The following CCDC3 variants were observed in gnomAD, a reference collection of about 807,000 sequenced individuals.
CCDC3 encodes the protein coiled-coil domain containing 3.
A neutral mutation model predicts 21.4 loss-of-function variants in CCDC3; 24 were observed. The ratio of observed to expected loss-of-function variants is 1.12; its 90% confidence interval spans 0.81 to 1.58. The LOEUF (loss-of-function observed/expected upper bound fraction) is 1.58, where lower values mean the gene tolerates loss of function less well. CCDC3 is among the 40% of genes most tolerant of loss of function. The pLI, the probability that CCDC3 is intolerant of heterozygous loss-of-function variation, is 0.00. For missense variants in CCDC3, 425 were observed against 360.9 expected (o/e 1.18, Z -1.44); for synonymous variants, 186 against 166.0 (o/e 1.12, Z -0.93).
At chr10:13,052,016 A>T (rs780640189) in intron 4 of CCDC3, among the ~76,000 whole-genome samples, 1 of 152,148 alleles carries the variant, frequency 6.6e-6, no homozygotes, top group African/African-American at 2.4e-5. Flanking sequence ...GCATGAAGAT[A>T]GGAGGGCCCC....
intron 4 of CCDC3, chr10:13,058,605 T>G: frequency 1.6e-6 from 1 of 626,776 alleles, no homozygotes; most frequent in Admixed American, 2.3e-5. Context: ...TTTTACCCTC[T>G]CGTCGTCTTC....
intron 3 of CCDC3, among the ~76,000 whole-genome samples, chr10:13,089,913 A>G (rs1394926908): frequency 2.0e-5 from 3 of 149,028 alleles, no homozygotes; most frequent in Non-Finnish European, 4.4e-5. Flanking sequence ...GAGTGAGAAC[A>G]TACGATGTTT....
At chr10:13,090,067 A>ACCGTTTC (rs1372347475) in intron 3 of CCDC3, among the ~76,000 whole-genome samples, 1 of 47,760 alleles carries the variant, frequency 2.1e-5, no homozygotes. Context: ...ATATATATAT[A>ACCGTTTC]TATATATATA....
At chr10:12,900,568 G>A (rs1025672081) in intron 2 of CCDC3, among the ~76,000 whole-genome samples, 2 of 147,026 alleles carry the variant, frequency 1.4e-5, no homozygotes, top group African/African-American at 5.0e-5. Context: ...GCGGGTGCCT[G>A]TAGTCCCAGC....
intron 2 of CCDC3, among the ~76,000 whole-genome samples, chr10:12,941,364 T>G (rs1253641127): frequency 6.7e-6 from 1 of 150,148 alleles, no homozygotes; most frequent in Non-Finnish European, 1.5e-5. Context: ...CTGCTCTGTC[T>G]ATGGAGAAGC....
intron 5 of CCDC3, among the ~76,000 whole-genome samples, chr10:13,040,328 C>A (rs921022649): frequency 6.6e-6 from 1 of 152,152 alleles, no homozygotes; most frequent in African/African-American, 2.4e-5. Context: ...CGTTTGCCAG[C>A]CCAAGATAGG....
At chr10:12,927,834 G>C (rs77223029) in intron 2 of CCDC3, among the ~76,000 whole-genome samples, 1 of 152,258 alleles carries the variant, frequency 6.6e-6, no homozygotes, top group East Asian at 1.9e-4. Context: ...CAATTCAATT[G>C]CAAGTGAAAT....
intron 5 of CCDC3, among the ~76,000 whole-genome samples, chr10:13,029,148 G>A (rs138015258): frequency 0.014 from 2,076 of 152,148 alleles, 15 homozygotes; most frequent in Middle Eastern, 0.027. Flanking sequence ...CCCACTCTAC[G>A]GTTTTCACCT....
At chr10:12,965,163 C>A (rs1835242828) in intron 2 of CCDC3, among the ~76,000 whole-genome samples, 1 of 152,082 alleles carries the variant, frequency 6.6e-6, no homozygotes, top group African/African-American at 2.4e-5. Flanking sequence ...TTTTCTCTCT[C>A]CTAAATTGCC....
intron 2 of CCDC3, among the ~76,000 whole-genome samples, chr10:12,934,997 A>G (rs1010431657): frequency 6.6e-6 from 1 of 151,946 alleles, no homozygotes; most frequent in Non-Finnish European, 1.5e-5. Flanking sequence ...ATTACGTAAC[A>G]AACTCCTAGG....
At chr10:12,961,034 C>G (rs1417525266) in intron 2 of CCDC3, among the ~76,000 whole-genome samples, 1 of 152,130 alleles carries the variant, frequency 6.6e-6, no homozygotes, top group Non-Finnish European at 1.5e-5. Flanking sequence ...GGGAAGAGGC[C>G]AAGACATGCG....
intron 3 of CCDC3, among the ~76,000 whole-genome samples, chr10:13,077,540 T>A (rs1836981974): frequency 1.3e-5 from 2 of 152,180 alleles, no homozygotes; most frequent in Admixed American, 1.3e-4. Flanking sequence ...AAAAAAGAGC[T>A]GCATTGCCAA....
In CCDC3 at chr10:13,079,232, C is replaced by T. The variant is rs76568968; in HGVS notation, c.-502-5132G>A. On this transcript the variant is annotated intron_variant, in intron 3 of 6. Coordinates refer to the CCDC3 transcript ENST00000378839. ...GTGGCACATATGGGGATACATTCCC[C>T]TCCGGGGGTGGTCTCTAGTCCTCTC... Among the ~76,000 whole-genome samples, 817 of 150,434 alleles carry T rather than the reference C, an allele frequency of 5.4e-3. 5 individuals are homozygous for T. The highest frequency in any genetic ancestry group is 0.018 in the African/African-American group (737 of 40,840).
At chr10:12,908,051 A>G (rs7908635) in intron 2 of CCDC3, among the ~76,000 whole-genome samples, 21,321 of 152,188 alleles carry the variant, frequency 0.14, 1,876 homozygotes, top group East Asian at 0.29. Context: ...AAATCAGGAA[A>G]CATTGAGCTG....
chr10:13,077,019 G>T (rs538380082), intron 3 of CCDC3, among the ~76,000 whole-genome samples: 3 of 152,304 alleles, frequency 2.0e-5, no homozygotes, highest in African/African-American at 7.2e-5. Flanking sequence ...GGGCAATCAG[G>T]CAGGAGAAAG....
upstream of CCDC3, among the ~76,000 whole-genome samples, chr10:13,005,174 G>T (rs1163610272): frequency 6.6e-6 from 1 of 152,196 alleles, no homozygotes; most frequent in Non-Finnish European, 1.5e-5. Flanking sequence ...TTCTTCACCA[G>T]TGTCCTTCAG....
chr10:13,095,981 TC>T (rs1832624585), intron 3 of CCDC3, among the ~76,000 whole-genome samples: 1 of 152,244 alleles, frequency 6.6e-6, no homozygotes, highest in African/African-American at 2.4e-5. Flanking sequence ...ACTTTCCTTT[TC>T]TGGACATTTA....
chr10:13,052,940 A>T (rs113099349), intron 4 of CCDC3, among the ~76,000 whole-genome samples: 17 of 20,612 alleles, frequency 8.2e-4, no homozygotes, highest in South Asian at 3.4e-3. Flanking sequence ...AGACTCTGTC[A>T]CACACACACA....
chr10:12,897,268 A>G lies in CCDC3; in HGVS notation c.*1148T>C, dbSNP rs1834015387. On this transcript the variant is annotated 3_prime_UTR_variant, in exon 3 of 3. Transcript: ENST00000378825. ...GGACCCACTCAAATGTGCCTGAGCA[A>G]TAAGTCTAGTGAATACTCTCATTTT... 6.6e-6 allele frequency: 1 copy of G among 152,256 alleles called. No individual in the cohort carries two copies. The highest frequency in any genetic ancestry group is 2.4e-5 in the African/African-American group (1 of 41,462). The allele number at this position is 152,256 out of a possible 1,614,324, so 9.4% of individuals were successfully genotyped here.
Sources: allele counts gnomAD v4.1 joint callset (sites outside exome capture counted in the v4.1 genomes callset), GRCh38; gene constraint gnomAD v4.1.1; transcripts MANE v1.5; gene names NCBI Gene and HGNC (gene_info 2026-07-23, HGNC 2026-07-21).